The following TNXB variants were observed in gnomAD, a reference collection of about 807,000 sequenced individuals.
TNXB encodes the protein tenascin-X.
A neutral mutation model predicts 340.5 loss-of-function variants in TNXB; 183 were observed. The ratio of observed to expected loss-of-function variants is 0.54; its 90% CI spans 0.48 to 0.61. The LOEUF (loss-of-function observed/expected upper bound fraction) is 0.61, where lower values mean the gene tolerates loss of function less well. Ranked by LOEUF, TNXB falls within the 20% of genes least tolerant of loss-of-function variation. TNXB has a pLI of 0.00. For synonymous variants in TNXB, 2,121 were observed against 2,314.5 expected, an observed-to-expected ratio of 0.92 and a Z score of 2.40; for missense variants, 4,613 against 5,446.4, an observed-to-expected ratio of 0.85 and a Z score of 4.82.
Position 32,070,423 on chromosome 6 carries a change from G to A in TNXB, c.4991-9C>T. 1 of 1,576,924 alleles carries A rather than the reference G, an allele frequency of 6.3e-7. No individual in the cohort carries two copies. Among genetic ancestry groups the A allele is most frequent in the East Asian group, 2.3e-5 (1 of 44,188 alleles). ...GGCGTCACCTCGGGCAACTGGAGAG[G>A]AAAGGTTCTTGTGTTTATTTTTTCC... On this transcript the variant is annotated splice_polypyrimidine_tract_variant and intron_variant, in intron 13 of 43. Coordinates refer to ENST00000644971, the MANE Select transcript of TNXB (RefSeq NM_001365276.2). The surrounding 1 kb of genome is among the most constrained non-coding windows in gnomAD (Gnocchi z 6.0).
chr6:32,086,718 T>C (rs115964385), intron 6 of TNXB, among the ~76,000 whole-genome samples: 1 of 152,258 alleles, frequency 6.6e-6, no homozygotes, highest in African/African-American at 2.4e-5. Context: ...AAAAGCCAGC[T>C]TAAGAAGCAG....
At position 32,072,605 on chromosome 6, in the gene TNXB, C is replaced by A. The variant is rs1778842416; in HGVS notation, c.4682-307G>T. The stretch of plus-strand genomic sequence containing the variant: ...AAATTTTGTAGTTTAGTAAACGCGC[C>A]ACCAAGTCCTGTTATTTAATGAACT... On this transcript the variant is annotated intron_variant, in intron 12 of 43. Coordinates refer to ENST00000644971, the MANE Select transcript of TNXB (RefSeq NM_001365276.2). The surrounding 1 kb of genome is among the most constrained non-coding windows in gnomAD (Gnocchi z 4.4). Among the ~76,000 whole-genome samples, 1 of 152,180 alleles carries A rather than the reference C, an allele frequency of 6.6e-6. No homozygotes were observed. Among genetic ancestry groups the A allele is most frequent in the Non-Finnish European group, 1.5e-5 (1 of 68,030 alleles).
At chr6:32,078,645 C>A in intron 11 of TNXB, 1 of 254,636 alleles carries the variant, frequency 3.9e-6, no homozygotes, top group South Asian at 4.7e-5. Flanking sequence ...GCATTCTGAC[C>A]AAGTAACTGA....
rs1197983727 is a variant in TNXB, at chr6:32,081,444, G to T, written c.3966C>A (p.Asp1322Glu). The change falls in exon 10 of 44, where the codon GAC (aspartate) becomes GAA (glutamate). Residue 1322 changes from aspartate to glutamate, a missense_variant. By Grantham distance (45) the Asp-to-Glu change is conservative. Transcript: ENST00000644971. This position sits in a 1 kb window ranked among gnomAD's most constrained non-coding sequence, Gnocchi z 5.1. Reference protein sequence around the residue: ...NEVTVPGLDPDRKYKMNLYGL... With the variant: ...NEVTVPGLDPERKYKMNLYGL... ...CGTAGAGGTTCATCTTATACTTCCG[G>T]TCGGGATCCAGGCCGGGGACAGTAA... The T allele has an allele frequency of 6.3e-7, 1 of 1,579,010 alleles. No homozygotes were observed. The highest frequency in any genetic ancestry group is 2.3e-5 in the East Asian group (1 of 43,164).
At position 32,046,413 on chromosome 6, in the gene TNXB, G is replaced by C; in HGVS notation, c.10368C>G (p.Thr3456=). The C allele has an allele frequency of 6.3e-7, 1 of 1,579,948 alleles. No individual in the cohort carries two copies. The highest frequency in any genetic ancestry group is 8.6e-7 in the Non-Finnish European group (1 of 1,156,570). Residue 3456 remains threonine, a synonymous_variant, in exon 31 of 44, where the codon ACC becomes ACG. Transcript: ENST00000644971. The surrounding 1 kb of genome is among the most constrained non-coding windows in gnomAD (Gnocchi z 6.9). The part of the protein sequence containing the change: ...KELPPHLGEL[T]VAEETSSSLR... Reference sequence around the variant, plus strand: ...GAGAGCTGGAGGTCTCCTCAGCCACGGTCAGTTCCCCCAGGTGGGGAGGTA... The same window carrying C: ...GAGAGCTGGAGGTCTCCTCAGCCACCGTCAGTTCCCCCAGGTGGGGAGGTA...
rs771230373 is a variant in TNXB, at chr6:32,046,244, A to T, written c.10537T>A (p.Tyr3513Asn). ...AGGAGCCCGTAGAGCAGAAACTTGT[A>T]TTTCTTGCCAGGCTCCAGGTCCTCT... Reference protein sequence around the residue: ...TVEDLEPGKKYKFLLYGLLGG... With the variant: ...TVEDLEPGKKNKFLLYGLLGG... The change falls in exon 31 of 44, where the codon TAC (tyrosine) becomes AAC (asparagine). Residue 3513 changes from tyrosine (Y) to asparagine (N), a missense_variant. Tyr to Asn is a moderately radical substitution (Grantham distance 143, BLOSUM62 -2). This residue lies in a region of TNXB where 4,327 missense variants were observed against 4,859.4 expected (regional missense o/e 0.89). Transcript: ENST00000644971. This position sits in a 1 kb window ranked among gnomAD's most constrained non-coding sequence, Gnocchi z 6.9. The T allele has an allele frequency of 6.2e-7, 1 of 1,605,012 alleles. No homozygotes were observed. The highest frequency in any genetic ancestry group is 1.3e-5 in the African/African-American group (1 of 74,870).
At position 32,046,606 on chromosome 6, in the gene TNXB, C is replaced by T. The variant is rs1395313333; in HGVS notation, c.10325-150G>A. On this transcript the variant is annotated intron_variant, in intron 30 of 43. Transcript: ENST00000644971. The surrounding 1 kb of genome is among the most constrained non-coding windows in gnomAD (Gnocchi z 6.9). The stretch of plus-strand genomic sequence containing the variant: ...GAGGAGACACACAGGCCTGCTCCCG[C>T]CATGCCCCACAGGAATGAGGGAGAA... 4.8e-6 allele frequency: 3 copies of T among 624,910 alleles called. No individual in the cohort carries two copies. 38.7% of individuals were successfully genotyped at this position (624,910 alleles called of 1,614,324 possible). A position where few individuals can be genotyped will look rare whatever the true frequency, so the allele number is the denominator to read the frequency against.
In TNXB at chr6:32,055,202, C is replaced by A. The variant is rs115925169; in HGVS notation, c.8467+649G>T. Among the ~76,000 whole-genome samples, 697 of 152,242 alleles carry A rather than the reference C, an allele frequency of 4.6e-3. 8 individuals are homozygous for A. The highest frequency in any genetic ancestry group is 0.016 in the African/African-American group (649 of 41,520). ...TTCCTTAAATGCTTTCCTAAAACAC[C>A]AAACACAAGCCCAGTTCCTTAACAA... On this transcript the variant is annotated intron_variant, in intron 24 of 43. Transcript: ENST00000644971.
chr6:32,073,792 G>A lies in TNXB; in HGVS notation c.4536C>T (p.Asp1512=), dbSNP rs975097157. Residue 1512 remains aspartate, a synonymous_variant, in exon 12 of 44, where the codon GAC becomes GAT. Coordinates refer to ENST00000644971, the MANE Select transcript of TNXB (RefSeq NM_001365276.2). The surrounding 1 kb of genome is among the most constrained non-coding windows in gnomAD (Gnocchi z 4.6). The part of the protein sequence containing the change: ...DSFIVQYKDK[D]GQPQVVPVAA... Reference sequence around the variant, plus strand: ...CCACCGGCACCACCTGGGGCTGCCCGTCCTTGTCCTTGTACTGGACTATGA... The same window carrying A: ...CCACCGGCACCACCTGGGGCTGCCCATCCTTGTCCTTGTACTGGACTATGA... The A allele has an allele frequency of 4.3e-6, 7 of 1,612,374 alleles. No individual in the cohort carries two copies. The Admixed American group carries it at 6.7e-5, about 15-fold the overall frequency.
chr6:32,108,809 T>C lies in TNXB; in HGVS notation c.-9+372A>G, dbSNP rs1269333637. On this transcript the variant is annotated intron_variant, in intron 1 of 43. Transcript: ENST00000644971. This position sits in a 1 kb window ranked among gnomAD's most constrained non-coding sequence, Gnocchi z 4.8. ...TGGCCACCAGTTCAGCCTAGTCCTA[T>C]CTTCCCGCTAGCCCCAGCACCTCCA... 6.6e-6 allele frequency among the ~76,000 whole-genome samples: 1 copy of C among 152,090 alleles called. No individual in the cohort carries two copies. The highest frequency in any genetic ancestry group is 1.5e-5 in the Non-Finnish European group (1 of 68,016).
At chr6:32,060,129 G>C (rs1412784628) in intron 21 of TNXB, among the ~76,000 whole-genome samples, 1 of 151,932 alleles carries the variant, frequency 6.6e-6, no homozygotes, top group Non-Finnish European at 1.5e-5. Flanking sequence ...GAGGTCAGGA[G>C]TTTGAGCAGC....
chr6:32,057,907 G>T, intron 22 of TNXB, 151 bp downstream of exon 22: 1 of 1,070,820 alleles, frequency 9.3e-7, no homozygotes, highest in Non-Finnish European at 1.3e-6. Flanking sequence ...CTGGATTGCA[G>T]CCTGTCTCTC....
intron 11 of TNXB, among the ~76,000 whole-genome samples, chr6:32,077,603 G>T (rs968094829): frequency 6.6e-6 from 1 of 152,228 alleles, no homozygotes; most frequent in African/African-American, 2.4e-5. Flanking sequence ...CTCTTGGGCT[G>T]AGGCCCTGGA....
At position 32,062,967 on chromosome 6, in the gene TNXB, A is replaced by G. The variant is rs531579745; in HGVS notation, c.6842-484T>C. On this transcript the variant is annotated intron_variant, in intron 19 of 43. Coordinates refer to ENST00000644971, the MANE Select transcript of TNXB (RefSeq NM_001365276.2). This position sits in a 1 kb window ranked among gnomAD's most constrained non-coding sequence, Gnocchi z 4.3. ...CTACTCAGGAGGCTGAGGCAGGAGA[A>G]TGGCATGAACCCAGGAGGCGGAGCT... Among the ~76,000 whole-genome samples, 2 of 152,332 alleles carry G rather than the reference A, an allele frequency of 1.3e-5. No individual in the cohort carries two copies. The highest frequency in any genetic ancestry group is 4.8e-5 in the African/African-American group (2 of 41,574).
rs1779596733 is a variant in TNXB, at chr6:32,083,568, TGG to T, written c.3445+843_3445+844del. 1.1e-4 allele frequency among the ~76,000 whole-genome samples: 16 copies of T among 152,216 alleles called. No individual in the cohort carries two copies. The highest frequency in any genetic ancestry group is 1.0e-3 in the Admixed American group (16 of 15,280). ...AATGGGACTGTCTCATCCAGAACCC[TGG>T]GGGCTGCCTGGTACACCTTGCTTTC... On this transcript the variant is annotated intron_variant, in intron 8 of 43. Transcript: ENST00000644971. The surrounding 1 kb of genome is among the most constrained non-coding windows in gnomAD (Gnocchi z 4.6).
chr6:32,048,019 A>G lies in TNXB; in HGVS notation c.10046-7T>C, dbSNP rs78125577. On this transcript the variant is annotated splice_region_variant and splice_polypyrimidine_tract_variant and intron_variant, in intron 29 of 43. Coordinates refer to ENST00000644971, the MANE Select transcript of TNXB (RefSeq NM_001365276.2). ...GACGGTTTGGTGTCTGGGGCTGGAA[A>G]AGACAGTGAGGTGCATGGAGAGTGG... 19,842 of 1,602,906 alleles carry G rather than the reference A, an allele frequency of 0.012. 1,740 individuals are homozygous for G. The East Asian group carries it at 0.26, about 21-fold the overall frequency.
Position 32,096,315 on chromosome 6 carries a change from A to G in TNXB, c.1538T>C (p.Val513Ala). The G allele has an allele frequency of 6.5e-7, 1 of 1,550,180 alleles. No individual in the cohort carries two copies. Residue 513 changes from valine to alanine, a missense_variant, in exon 3 of 44, where the codon GTG (valine) becomes GCG (alanine). This residue lies in a region of TNXB where 4,327 missense variants were observed against 4,859.4 expected (regional missense o/e 0.89). Coordinates refer to ENST00000644971, the MANE Select transcript of TNXB (RefSeq NM_001365276.2). Reference sequence around the variant, plus strand: ...CTCACCGGTGAAGCCCGGGTTGCACACGCAGCGGCCATCCACGCAGCGCCC... The same window carrying G: ...CTCACCGGTGAAGCCCGGGTTGCACGCGCAGCGGCCATCCACGCAGCGCCC... ...GRGRCVDGRC[V>A]CNPGFTGEDC... is the part of the protein sequence containing the mutation.
Position 32,043,417 on chromosome 6 carries a change from G to C in TNXB, c.11650+20C>G, listed in dbSNP as rs1347008259. Reference sequence around the variant, plus strand: ...CCCCACCCTGAACAAGTCCCCTCCAGAGGCCTCAGGCCTGCTCACCCCCAG... The same window carrying C: ...CCCCACCCTGAACAAGTCCCCTCCACAGGCCTCAGGCCTGCTCACCCCCAG... On this transcript the variant is annotated intron_variant, in intron 36 of 43. Transcript: ENST00000644971. The C allele has an allele frequency of 2.0e-6, 1 of 499,818 alleles. No individual in the cohort carries two copies. The allele number at this position is 499,818 out of a possible 1,614,324, so 31.0% of individuals were successfully genotyped here. A position where few individuals can be genotyped will look rare whatever the true frequency, so the allele number is the denominator to read the frequency against.
intron 21 of TNXB, among the ~76,000 whole-genome samples, chr6:32,059,107 A>G (rs1328912079): frequency 1.3e-5 from 2 of 151,778 alleles, no homozygotes; most frequent in Non-Finnish European, 2.9e-5. Context: ...TATTTTCACT[A>G]GAAAAACGTG....
Sources: allele counts gnomAD v4.1 joint callset (sites outside exome capture counted in the v4.1 genomes callset), GRCh38; gene constraint gnomAD v4.1.1; regional missense constraint gnomAD v4.1.1; non-coding constraint Gnocchi (gnomAD v3.1); transcripts MANE v1.5; gene names NCBI Gene and HGNC (gene_info 2026-07-23, HGNC 2026-07-21).